Variants in PREX2 observed in about 807,000 individuals in gnomAD.
PREX2 encodes phosphatidylinositol 3,4,5-trisphosphate-dependent Rac exchanger 2 protein.
Under a neutral mutation model 203.2 loss-of-function variants are expected in PREX2, and 107 were observed. That is an observed-to-expected ratio of 0.53 (90% confidence interval 0.45 to 0.62). PREX2 has a LOEUF of 0.62. Ranked by LOEUF, PREX2 falls within the 20% of genes least tolerant of loss-of-function variation. PREX2 has a pLI of 0.00. For synonymous variants in PREX2, 672 were observed against 663.6 expected (o/e 1.01, Z -0.19); for missense variants, 1,777 against 1,955.9 (o/e 0.91, Z 1.72).
chr8:68,192,550 G>A (rs1366398105), intron 37 of PREX2, 25 bp downstream of exon 37: 1 of 1,551,626 alleles, frequency 6.4e-7, no homozygotes, highest in South Asian at 1.2e-5. Context: ...CGCCTTGCTT[G>A]CCTCTTTGTT....
chr8:68,167,894 T>C (rs976660811), intron 35 of PREX2, among the ~76,000 whole-genome samples: 1 of 152,190 alleles, frequency 6.6e-6, no homozygotes, highest in Non-Finnish European at 1.5e-5. Context: ...TAAAATATGA[T>C]CCCGAGACAA....
chr8:68,086,369 A>T (rs7004032), intron 18 of PREX2, among the ~76,000 whole-genome samples: 66,552 of 151,036 alleles, frequency 0.44, 14,799 homozygotes, highest in African/African-American at 0.48. Flanking sequence ...TTTTGCTCAA[A>T]CTCTCCCACA....
rs1002421166 is a variant in PREX2 at position 68,232,785 on chromosome 8, T to C, written c.*1407T>C. 6.6e-6 allele frequency: 1 copy of C among 152,098 alleles called. No homozygotes were observed. The highest frequency in any genetic ancestry group is 2.4e-5 in the African/African-American group (1 of 41,420). The allele number at this position is 152,098 out of a possible 1,614,324, so 9.4% of individuals were successfully genotyped here. On this transcript the variant is annotated 3_prime_UTR_variant, in exon 40 of 40. Transcript: ENST00000288368. ...GGTGTGCACCACCATGCTCAGCTAA[T>C]TTTTGTATTTTTAGTAGAGACGTGT...
chr8:67,977,511 C>G lies in PREX2; in HGVS notation c.141+24976C>G, dbSNP rs187893038. On this transcript the variant is annotated intron_variant, in intron 1 of 39. Transcript: ENST00000288368. ...ACATAGATGTATTTGGCCTTCATCC[C>G]CATTTCCTCACATACAACTCCTACA... Among the ~76,000 whole-genome samples, 76 of 152,256 alleles carry G rather than the reference C, an allele frequency of 5.0e-4. 1 individual carries two copies. Among genetic ancestry groups the G allele is most frequent in the Middle Eastern group, 6.8e-3 (2 of 294 alleles).
intron 18 of PREX2, 146 bp from the exon 19 acceptor site, chr8:68,087,578 C>T (rs1427783013): frequency 1.3e-5 from 9 of 670,112 alleles, no homozygotes; most frequent in South Asian, 5.1e-5. Flanking sequence ...GGACCATGTT[C>T]GTCTCCAAGG....
chr8:68,104,762 C>T (rs1036709514), intron 23 of PREX2, among the ~76,000 whole-genome samples: 6 of 152,194 alleles, frequency 3.9e-5, no homozygotes, highest in African/African-American at 1.4e-4. Flanking sequence ...TGTTCCCCAA[C>T]ATGCTGAGGG....
At chr8:68,061,906 A>G (rs912143211) in intron 11 of PREX2, among the ~76,000 whole-genome samples, 1 of 152,208 alleles carries the variant, frequency 6.6e-6, no homozygotes, top group African/African-American at 2.4e-5. Flanking sequence ...AATGGGACTC[A>G]GGACAAAGGT....
chr8:68,049,083 T>G (rs955727435), intron 8 of PREX2, among the ~76,000 whole-genome samples: 4 of 151,466 alleles, frequency 2.6e-5, no homozygotes, highest in African/African-American at 9.7e-5. Context: ...ATGAACTACT[T>G]TTTAGATTTT....
intron 18 of PREX2, among the ~76,000 whole-genome samples, chr8:68,084,577 G>A (rs1407253516): frequency 6.6e-6 from 1 of 152,072 alleles, no homozygotes; most frequent in African/African-American, 2.4e-5. Flanking sequence ...TAAATTAGAT[G>A]CTTTAGCTTC....
At chr8:68,187,545 G>A (rs1227466370) in intron 35 of PREX2, among the ~76,000 whole-genome samples, 1 of 152,074 alleles carries the variant, frequency 6.6e-6, no homozygotes, top group Non-Finnish European at 1.5e-5. Context: ...ATCATGCTAT[G>A]TCAGGCAATT....
At chr8:68,018,727 GA>G (rs201846194) in intron 2 of PREX2, among the ~76,000 whole-genome samples, 1,551 of 151,166 alleles carry the variant, frequency 0.01, 12 homozygotes, top group Non-Finnish European at 0.017. Flanking sequence ...GAACAGTCTT[GA>G]AAAAAAAGGA....
At chr8:68,106,535 A>G (rs559940357) in intron 23 of PREX2, among the ~76,000 whole-genome samples, 3 of 152,310 alleles carry the variant, frequency 2.0e-5, no homozygotes, top group East Asian at 3.9e-4. Flanking sequence ...GCTGAACTAC[A>G]TAGCTTCTGA....
chr8:68,089,171 T>C lies in PREX2; in HGVS notation c.2113+1362T>C, dbSNP rs551850545. On this transcript the variant is annotated intron_variant, in intron 19 of 39. Transcript: ENST00000288368. The stretch of plus-strand genomic sequence containing the variant: ...CATTCTAGCTACTGCACTTCAGCCT[T>C]GGATCAACCTAACCACATCTTCTCT... Among the ~76,000 whole-genome samples the C allele has an allele frequency of 1.5e-3, 234 of 151,470 alleles. 1 individual carries two copies. The highest frequency in any genetic ancestry group is 5.5e-3 in the African/African-American group (227 of 41,246).
intron 8 of PREX2, among the ~76,000 whole-genome samples, chr8:68,049,406 G>A (rs1173500628): frequency 6.6e-6 from 1 of 151,800 alleles, no homozygotes; most frequent in Non-Finnish European, 1.5e-5. Flanking sequence ...TATAATACTT[G>A]GATATTTTCC....
At position 68,090,575 on chromosome 8, in the gene PREX2, A is replaced by G. The variant is rs1304105557; in HGVS notation, c.2114-4A>G. 1.2e-5 allele frequency: 19 copies of G among 1,601,320 alleles called. No homozygotes were observed. The highest frequency in any genetic ancestry group is 1.7e-5 in the Admixed American group (1 of 59,636). On this transcript the variant is annotated splice_polypyrimidine_tract_variant and splice_region_variant and intron_variant, in intron 19 of 39. Coordinates refer to ENST00000288368, the MANE Select transcript of PREX2 (RefSeq NM_024870.4). ...TTTGGTTATTTTCTCATTTGTATTT[A>G]TAGGAACTGTGGCTGCAGCAGCTGG...
At chr8:68,226,669 T>C (rs1431561944) in intron 39 of PREX2, among the ~76,000 whole-genome samples, 1 of 152,220 alleles carries the variant, frequency 6.6e-6, no homozygotes, top group Non-Finnish European at 1.5e-5. Context: ...TGTGTGTCTA[T>C]AGGTGTCAGG....
Position 68,104,270 on chromosome 8 carries a change from G to A in PREX2, c.2716-3839G>A, listed in dbSNP as rs1289450942. Among the ~76,000 whole-genome samples, 3 of 152,156 alleles carry A rather than the reference G, an allele frequency of 2.0e-5. 1 individual carries two copies. The highest frequency in any genetic ancestry group is 7.2e-5 in the African/African-American group (3 of 41,432). The stretch of plus-strand genomic sequence containing the variant: ...ACCGACCAACCCACAGTTGTCCTGA[G>A]TGGCTGTACACTTCACTCATGGTCA... On this transcript the variant is annotated intron_variant, in intron 23 of 39. Transcript: ENST00000288368.
At chr8:68,183,289 T>A (rs1385717883) in intron 35 of PREX2, among the ~76,000 whole-genome samples, 1 of 152,106 alleles carries the variant, frequency 6.6e-6, no homozygotes, top group Non-Finnish European at 1.5e-5. Flanking sequence ...TTGTAAGAAT[T>A]TTATTATTTT....
chr8:68,072,653 T>G, intron 14 of PREX2, 83 bp downstream of exon 14: 3 of 776,098 alleles, frequency 3.9e-6, no homozygotes, highest in Non-Finnish European at 6.7e-6. Flanking sequence ...TTTATTCTTT[T>G]TCATCTGTAG....
Sources: allele counts gnomAD v4.1 joint callset (sites outside exome capture counted in the v4.1 genomes callset), GRCh38; gene constraint gnomAD v4.1.1; transcripts MANE v1.5; gene names NCBI Gene and HGNC (gene_info 2026-07-23, HGNC 2026-07-21).